DACH1: variants seen among roughly 807,000 people sequenced by gnomAD.
DACH1 encodes dachshund family transcription factor 1, also known as dachshund homolog 1.
In DACH1, 12 loss-of-function variants were observed where a neutral mutation model predicts 54.2. That is an observed-to-expected ratio of 0.22 (90% CI 0.14 to 0.36). The LOEUF is 0.36. Ranked by LOEUF, DACH1 falls within the 10% of genes least tolerant of loss-of-function variation. The probability of loss-of-function intolerance (pLI) is 1.00; values close to 1 mark genes in which losing one functional copy is unlikely to be tolerated. For synonymous variants in DACH1, 386 were observed against 366.2 expected (o/e 1.05, Z -0.62); for missense variants, 805 against 929.8 (o/e 0.87, Z 1.75).
intron 3 of DACH1, among the ~76,000 whole-genome samples, chr13:71,577,886 A>T (rs9572757): frequency 0.039 from 5,916 of 152,282 alleles, 152 homozygotes; most frequent in East Asian, 0.12. Flanking sequence ...CACCAATTAT[A>T]GTCTTAGTCC....
intron 3 of DACH1, among the ~76,000 whole-genome samples, chr13:71,588,586 A>G (rs1192180298): frequency 6.6e-6 from 1 of 152,108 alleles, no homozygotes; most frequent in Non-Finnish European, 1.5e-5. Flanking sequence ...CAAATGCAAT[A>G]TAAAGTACAG....
chr13:71,866,287 G>A lies in DACH1; in HGVS notation c.483C>T (p.Ser161=). 1 of 1,571,532 alleles carries A rather than the reference G, an allele frequency of 6.4e-7. No individual in the cohort carries two copies. The highest frequency in any genetic ancestry group is 8.6e-7 in the Non-Finnish European group (1 of 1,158,514). Residue 161 remains serine (S), a synonymous_variant, in exon 1 of 11, where the codon AGC becomes AGT. Coordinates refer to ENST00000613252, the MANE Select transcript of DACH1 (RefSeq NM_080759.6). The part of the protein sequence containing the change: ...SSSSSSSSSS[S]SSCGPLPGKP... ...TCCCGGGGAGGGGGCCGCAGCTGCTGCTGCTACTGCTGCTGCTGCTACTAC... is the reference window on the plus strand; with the variant it reads ...TCCCGGGGAGGGGGCCGCAGCTGCTACTGCTACTGCTGCTGCTGCTACTAC...
At chr13:71,440,932 T>G (rs1403044308) in intron 10 of DACH1, among the ~76,000 whole-genome samples, 1 of 152,026 alleles carries the variant, frequency 6.6e-6, no homozygotes, top group Non-Finnish European at 1.5e-5. Flanking sequence ...TATTTTGATA[T>G]CAGTTCCAGA....
At chr13:71,714,259 A>G (rs764059147) in intron 1 of DACH1, among the ~76,000 whole-genome samples, 9 of 152,090 alleles carry the variant, frequency 5.9e-5, no homozygotes, top group Non-Finnish European at 1.0e-4. Context: ...ACCAATAAGA[A>G]GAAAATAGAA....
At chr13:71,604,846 C>T (rs762996739) in intron 3 of DACH1, among the ~76,000 whole-genome samples, 1 of 151,898 alleles carries the variant, frequency 6.6e-6, no homozygotes, top group Non-Finnish European at 1.5e-5. Flanking sequence ...CAAAGGATCT[C>T]TCTTGCATAT....
intron 1 of DACH1, among the ~76,000 whole-genome samples, chr13:71,813,011 C>CA (rs780513300): frequency 2.6e-5 from 4 of 152,094 alleles, no homozygotes; most frequent in Non-Finnish European, 4.4e-5. Context: ...ATTCTTCTTC[C>CA]AATAGGTTTC....
intron 1 of DACH1, among the ~76,000 whole-genome samples, chr13:71,759,612 G>A (rs1885318604): frequency 6.6e-6 from 1 of 152,146 alleles, no homozygotes; most frequent in African/African-American, 2.4e-5. Flanking sequence ...CAGGACAGCT[G>A]GAGGCTCTTG....
intron 6 of DACH1, among the ~76,000 whole-genome samples, chr13:71,520,221 AAC>A (rs1881490707): frequency 1.3e-5 from 2 of 151,472 alleles, no homozygotes; most frequent in Admixed American, 6.6e-5. Context: ...TCATCATTAA[AAC>A]AGAGATAAAA....
rs1298769434 is a variant in DACH1, at chr13:71,866,486, C to T, written c.284G>A (p.Gly95Asp). The T allele has an allele frequency of 2.7e-5, 34 of 1,242,452 alleles. 1 individual carries two copies. The Admixed American group carries it at 7.4e-4, about 27-fold the overall frequency. 77.0% of individuals were successfully genotyped at this position (1,242,452 alleles called of 1,614,324 possible). ...GTTGCTGCCACCGCCGCCGCCGCCA[C>T]CGCCGCCTCCGTTGCCGCTGCTGCC... Reference protein sequence around the residue: ...GGGSSGNGGGGGGGGGGSNCN... With the variant: ...GGGSSGNGGGDGGGGGGSNCN... The change falls in exon 1 of 11, where the codon GGT becomes GAT. Residue 95 changes from glycine to aspartate, a missense_variant. Gly to Asp is a moderately conservative substitution (Grantham distance 94). Around this residue, in one of 3 missense-constraint regions of DACH1, gnomAD observed 305 missense variants for 308.7 expected, o/e 0.99. Transcript: ENST00000613252.
At chr13:71,761,049 C>T (rs560915639) in intron 1 of DACH1, among the ~76,000 whole-genome samples, 12 of 149,944 alleles carry the variant, frequency 8.0e-5, no homozygotes, top group East Asian at 2.0e-4. Context: ...TACTCCGGGG[C>T]AAGAACATCT....
chr13:71,622,631 T>C (rs1202071173), intron 3 of DACH1, among the ~76,000 whole-genome samples: 1 of 151,862 alleles, frequency 6.6e-6, no homozygotes, highest in Admixed American at 6.6e-5. Flanking sequence ...TGTAGGTTGA[T>C]AATTACCATT....
At chr13:71,738,656 G>A (rs148457637) in intron 1 of DACH1, among the ~76,000 whole-genome samples, 2,197 of 146,324 alleles carry the variant, frequency 0.015, 40 homozygotes, top group African/African-American at 0.04. Flanking sequence ...TGCTTGAACC[G>A]GGGAGGCAGA....
chr13:71,679,244 A>C (rs1880753715), intron 2 of DACH1, among the ~76,000 whole-genome samples: 1 of 152,228 alleles, frequency 6.6e-6, no homozygotes, highest in Admixed American at 6.5e-5. Flanking sequence ...CATTTCAGAA[A>C]GAGTTCTTTC....
intron 1 of DACH1, among the ~76,000 whole-genome samples, chr13:71,812,058 C>T (rs967807446): frequency 6.6e-6 from 1 of 152,146 alleles, no homozygotes; most frequent in Non-Finnish European, 1.5e-5. Flanking sequence ...GCTCCCACTA[C>T]TAATTTTAAG....
intron 1 of DACH1, among the ~76,000 whole-genome samples, chr13:71,754,572 C>A (rs1885063568): frequency 6.6e-6 from 1 of 152,046 alleles, no homozygotes; most frequent in Non-Finnish European, 1.5e-5. Flanking sequence ...AGCCCGTTGA[C>A]CCAACAGCTG....
intron 1 of DACH1, among the ~76,000 whole-genome samples, chr13:71,797,796 G>T (rs1887118070): frequency 6.6e-6 from 1 of 152,052 alleles, no homozygotes; most frequent in South Asian, 2.1e-4. Context: ...ATTTTACCGA[G>T]TCATGAAATT....
intron 6 of DACH1, among the ~76,000 whole-genome samples, chr13:71,545,925 G>C (rs906184570): frequency 6.6e-6 from 1 of 152,020 alleles, no homozygotes; most frequent in African/African-American, 2.4e-5. Context: ...TCAAGGCAGA[G>C]AGGCATGCAG....
chr13:71,807,021 C>T (rs1887530946), intron 1 of DACH1, among the ~76,000 whole-genome samples: 1 of 152,162 alleles, frequency 6.6e-6, no homozygotes. Context: ...AGGGACAGTG[C>T]TTCAACTCCG....
In DACH1 at chr13:71,536,587, T is replaced by C. The variant is rs143961335; in HGVS notation, c.1570+20437A>G. On this transcript the variant is annotated intron_variant, in intron 6 of 10. Coordinates refer to ENST00000613252, the MANE Select transcript of DACH1 (RefSeq NM_080759.6). ...TGCAAATCCAAGGATTCTACATTTA[T>C]GGAAATTATGTGCCAAGTTTCATTC... Among the ~76,000 whole-genome samples the C allele has an allele frequency of 3.2e-3, 490 of 152,292 alleles. 4 individuals carry two copies. Among genetic ancestry groups the C allele is most frequent in the African/African-American group, 0.011 (459 of 41,568 alleles).
Sources: allele counts gnomAD v4.1 joint callset (sites outside exome capture counted in the v4.1 genomes callset), GRCh38; gene constraint gnomAD v4.1.1; regional missense constraint gnomAD v4.1.1; transcripts MANE v1.5; gene names NCBI Gene and HGNC (gene_info 2026-07-23, HGNC 2026-07-21).